Variants in FSTL5 observed in about 807,000 individuals in gnomAD.
The protein encoded by FSTL5 is follistatin like 5, also known as follistatin-related protein 5.
In FSTL5, 62 loss-of-function variants were observed where a neutral mutation model predicts 89.1. That is an observed-to-expected ratio of 0.70 (90% CI 0.57 to 0.86). The LOEUF is 0.86. FSTL5 is among the 40% of genes least tolerant of loss of function. The pLI, the probability that FSTL5 is intolerant of heterozygous loss-of-function variation, is 0.00. For synonymous variants in FSTL5, 383 were observed against 346.2 expected (o/e 1.11, Z -1.18); for missense variants, 1,057 against 1,001.6 (o/e 1.06, Z -0.75).
chr4:162,067,551 T>C (rs1225984047), intron 2 of FSTL5, among the ~76,000 whole-genome samples: 2 of 151,956 alleles, frequency 1.3e-5, no homozygotes, highest in Non-Finnish European at 2.9e-5. Context: ...TTAGGGAAAA[T>C]ACCTCAAAAT....
intron 6 of FSTL5, 70 bp downstream of exon 6, chr4:161,759,341 A>G (rs756733476): frequency 1.2e-4 from 177 of 1,428,822 alleles, no homozygotes; most frequent in Non-Finnish European, 1.6e-4. Flanking sequence ...AGAGCAAGCA[A>G]ATAGACCATA....
At chr4:161,510,882 T>C (rs1038662787) in intron 10 of FSTL5, among the ~76,000 whole-genome samples, 1 of 151,992 alleles carries the variant, frequency 6.6e-6, no homozygotes, top group Admixed American at 6.6e-5. Context: ...AGAAGAGTTC[T>C]TGTAAATCCA....
At chr4:162,125,282 G>A (rs986417989) in intron 1 of FSTL5, among the ~76,000 whole-genome samples, 30 of 152,104 alleles carry the variant, frequency 2.0e-4, no homozygotes, top group African/African-American at 6.7e-4. Flanking sequence ...TTATGATAAA[G>A]CTGTCATGTT....
intron 3 of FSTL5, among the ~76,000 whole-genome samples, chr4:161,966,195 T>A (rs953988897): frequency 2.0e-5 from 3 of 152,106 alleles, no homozygotes; most frequent in African/African-American, 7.2e-5. Context: ...AGCAAGTAAG[T>A]GAGGTTGTGG....
chr4:161,720,820 T>C (rs1368550488), intron 6 of FSTL5, among the ~76,000 whole-genome samples: 1 of 151,922 alleles, frequency 6.6e-6, no homozygotes, highest in Non-Finnish European at 1.5e-5. Context: ...ATAGTCAAAC[T>C]CATAGAAGCC....
intron 2 of FSTL5, among the ~76,000 whole-genome samples, chr4:162,104,178 T>C (rs1402877822): frequency 6.6e-6 from 1 of 152,186 alleles, no homozygotes; most frequent in African/African-American, 2.4e-5. Context: ...CTATTGCCAC[T>C]CCCTATTGGG....
At chr4:161,792,205 G>A (rs1311362984) in intron 4 of FSTL5, among the ~76,000 whole-genome samples, 3 of 152,152 alleles carry the variant, frequency 2.0e-5, no homozygotes, top group East Asian at 1.9e-4. Context: ...GGGTGTGCGC[G>A]TGTCCAAGGC....
At chr4:161,876,615 C>CTA (rs1340293023) in intron 4 of FSTL5, among the ~76,000 whole-genome samples, 4 of 152,034 alleles carry the variant, frequency 2.6e-5, no homozygotes, top group Non-Finnish European at 5.9e-5. Context: ...TGGCTCATGC[C>CTA]TATAGTGCCA....
rs192056624 is a variant in FSTL5 at position 161,392,922 on chromosome 4, G to A, written c.1842-6473C>T. On this transcript the variant is annotated intron_variant, in intron 15 of 15. Coordinates refer to ENST00000306100, the MANE Select transcript of FSTL5 (RefSeq NM_020116.5). ...CTCACACCTGTAATCCCAGCACATTGGGATGCTGAGGTGGATGGATCACTT... is the reference window on the plus strand; with the variant it reads ...CTCACACCTGTAATCCCAGCACATTAGGATGCTGAGGTGGATGGATCACTT... Among the ~76,000 whole-genome samples the A allele has an allele frequency of 5.3e-4, 81 of 152,306 alleles. No individual in the cohort carries two copies. The East Asian group carries it at 0.014, about 26-fold the overall frequency.
chr4:161,646,170 A>G (rs1163704833), intron 7 of FSTL5, among the ~76,000 whole-genome samples: 1 of 148,138 alleles, frequency 6.8e-6, no homozygotes. Context: ...TATATAATAT[A>G]TATATAATAT....
rs558116277 is a variant in FSTL5 at position 161,669,123 on chromosome 4, A to AAT, written c.728-12630_728-12629insAT. Among the ~76,000 whole-genome samples the AAT allele has an allele frequency of 4.0e-3, 572 of 144,128 alleles. 2 individuals are homozygous for AAT. Among genetic ancestry groups the AAT allele is most frequent in the South Asian group, 0.012 (53 of 4,476 alleles). The allele number at this position is 144,128 out of a possible 152,430, so 94.6% of individuals were successfully genotyped here. ...TGAGACTCTGTCTCAAAAAAAAAAA[A>AAT]AAAATAAAATAAAATAAAAGAAAAA... is the stretch of plus-strand genomic sequence containing the variant. On this transcript the variant is annotated intron_variant, in intron 6 of 15. Transcript: ENST00000306100.
Position 161,484,712 on chromosome 4 carries a change from T to C in FSTL5, c.1459-3543A>G, listed in dbSNP as rs116455150. Among the ~76,000 whole-genome samples, 522 of 152,298 alleles carry C rather than the reference T, an allele frequency of 3.4e-3. 3 individuals carry two copies. Among genetic ancestry groups the C allele is most frequent in the African/African-American group, 0.011 (474 of 41,574 alleles). On this transcript the variant is annotated intron_variant, in intron 12 of 15. Coordinates refer to ENST00000306100, the MANE Select transcript of FSTL5 (RefSeq NM_020116.5). ...TCTAATTATTATCCTTTATTTCTCA[T>C]TGGAAAGCATTTATTGAGAGCTTAC...
chr4:161,946,535 C>T (rs905033954), intron 3 of FSTL5, among the ~76,000 whole-genome samples: 1 of 152,108 alleles, frequency 6.6e-6, no homozygotes, highest in African/African-American at 2.4e-5. Flanking sequence ...GTGCCTGTCA[C>T]CTTTCATTCA....
intron 6 of FSTL5, among the ~76,000 whole-genome samples, chr4:161,706,709 T>C (rs1399549629): frequency 2.0e-5 from 3 of 152,054 alleles, no homozygotes; most frequent in African/African-American, 7.2e-5. Flanking sequence ...AAGTGATTTT[T>C]AGAGTTAAAT....
At position 161,835,572 on chromosome 4, in the gene FSTL5, G is replaced by T. The variant is rs373914349; in HGVS notation, c.410-59498C>A. Among the ~76,000 whole-genome samples the T allele has an allele frequency of 3.9e-4, 59 of 151,898 alleles. 1 individual carries two copies. Among genetic ancestry groups the T allele is most frequent in the South Asian group, 2.9e-3 (14 of 4,806 alleles). On this transcript the variant is annotated intron_variant, in intron 4 of 15. Transcript: ENST00000306100. ...CTACTCATCTGACAAAGGGCTAATA[G>T]CCAGAATCTACAATGAACTCAAACA...
intron 6 of FSTL5, among the ~76,000 whole-genome samples, chr4:161,699,809 G>A (rs1560797102): frequency 6.6e-6 from 1 of 152,080 alleles, no homozygotes; most frequent in Non-Finnish European, 1.5e-5. Flanking sequence ...GTTGATGGGG[G>A]CAAAGAATGA....
At chr4:161,446,526 C>T (rs1226436603) in intron 15 of FSTL5, among the ~76,000 whole-genome samples, 1 of 151,804 alleles carries the variant, frequency 6.6e-6, no homozygotes, top group Non-Finnish European at 1.5e-5. Context: ...ATATAATGTG[C>T]CCTTTTCCTT....
intron 12 of FSTL5, among the ~76,000 whole-genome samples, chr4:161,491,713 C>T (rs949569501): frequency 2.6e-5 from 4 of 152,072 alleles, no homozygotes. Flanking sequence ...TGGTGGCACG[C>T]CCTTGTAATC....
At chr4:161,494,090 A>G (rs1729982680) in intron 12 of FSTL5, among the ~76,000 whole-genome samples, 1 of 152,184 alleles carries the variant, frequency 6.6e-6, no homozygotes, top group African/African-American at 2.4e-5. Flanking sequence ...TTAAATCTAC[A>G]GAATAATCTT....
Sources: gnomAD v4.1 joint callset for allele counts (sites outside exome capture counted in the v4.1 genomes callset) on GRCh38, gnomAD v4.1.1 for gene constraint, MANE v1.5 for transcripts, NCBI Gene and HGNC (gene_info 2026-07-23, HGNC 2026-07-21) for gene names.